SSBP2: variants seen among roughly 807,000 people sequenced by gnomAD.
The protein encoded by SSBP2 is single-stranded DNA-binding protein 2.
In SSBP2, 17 loss-of-function variants were observed where a neutral mutation model predicts 61.8. The observed-to-expected ratio is 0.28, with a 90% CI of 0.19 to 0.41. The LOEUF (loss-of-function observed/expected upper bound fraction) is 0.41, where lower values mean the gene tolerates loss of function less well. SSBP2 is among the 10% of genes least tolerant of loss of function. The pLI is 1.00. For missense variants in SSBP2, 310 were observed against 458.7 expected (o/e 0.68, Z 2.96); for synonymous variants, 139 against 141.3 (o/e 0.98, Z 0.12).
At chr5:81,465,181 T>C (rs2154007122) in intron 9 of SSBP2, among the ~76,000 whole-genome samples, 1 of 151,994 alleles carries the variant, frequency 6.6e-6, no homozygotes, top group East Asian at 1.9e-4. Flanking sequence ...AACAAAAAAA[T>C]GGAGATCAGA....
At chr5:81,719,633 C>A (rs192649793) in intron 1 of SSBP2, among the ~76,000 whole-genome samples, 1 of 152,216 alleles carries the variant, frequency 6.6e-6, no homozygotes, top group African/African-American at 2.4e-5. Flanking sequence ...GAGACAACTG[C>A]CTTGGGAAGA....
chr5:81,616,982 T>G (rs1157418557), intron 3 of SSBP2, among the ~76,000 whole-genome samples: 3 of 127,922 alleles, frequency 2.3e-5, no homozygotes, highest in Non-Finnish European at 5.0e-5. Flanking sequence ...CAAAAGTAGA[T>G]AAAACCACAA....
chr5:81,720,528 T>G (rs1441544779), intron 1 of SSBP2, among the ~76,000 whole-genome samples: 1 of 152,248 alleles, frequency 6.6e-6, no homozygotes, highest in Admixed American at 6.5e-5. Context: ...TATTAGCTTC[T>G]GTTTAAATGT....
At chr5:81,667,286 TACACACACACACAC>T (rs71605804) in intron 1 of SSBP2, among the ~76,000 whole-genome samples, 37 of 133,820 alleles carry the variant, frequency 2.8e-4, no homozygotes, top group Admixed American at 5.2e-4. Flanking sequence ...GGGATACAGA[TACACACACACACAC>T]ACACACACAC....
chr5:81,539,819 C>A (rs190485633), intron 4 of SSBP2, among the ~76,000 whole-genome samples: 1 of 152,054 alleles, frequency 6.6e-6, no homozygotes, highest in African/African-American at 2.4e-5. Context: ...TAGGTATACA[C>A]GTGCCATGGA....
intron 10 of SSBP2, among the ~76,000 whole-genome samples, chr5:81,452,991 T>C (rs1031418441): frequency 3.3e-5 from 5 of 150,636 alleles, no homozygotes; most frequent in African/African-American, 1.2e-4. Context: ...TTAGAAAACA[T>C]TGCCAATTAA....
intron 2 of SSBP2, 45 bp from the exon 3 acceptor site, chr5:81,636,663 T>C (rs1404596120): frequency 4.3e-6 from 6 of 1,395,998 alleles, no homozygotes; most frequent in East Asian, 2.3e-5. Context: ...AATACTTTTT[T>C]CCACACATAT....
chr5:81,433,136 G>A (rs1184468942), intron 15 of SSBP2, among the ~76,000 whole-genome samples: 2 of 152,102 alleles, frequency 1.3e-5, no homozygotes, highest in Admixed American at 1.3e-4. Flanking sequence ...AACGGGCCAT[G>A]ATGACAATGG....
chr5:81,702,275 G>A (rs963672175), intron 1 of SSBP2, among the ~76,000 whole-genome samples: 3 of 152,184 alleles, frequency 2.0e-5, no homozygotes, highest in Non-Finnish European at 4.4e-5. Flanking sequence ...GGAGGCTGAG[G>A]CAGGGGAATC....
At chr5:81,469,956 TAA>T (rs1339443614) in intron 8 of SSBP2, among the ~76,000 whole-genome samples, 1 of 151,954 alleles carries the variant, frequency 6.6e-6, no homozygotes, top group Non-Finnish European at 1.5e-5. Flanking sequence ...GGAAAGTTTA[TAA>T]AGTCTTTCCA....
chr5:81,458,101 G>T (rs1306253422), intron 10 of SSBP2, among the ~76,000 whole-genome samples: 1 of 151,960 alleles, frequency 6.6e-6, no homozygotes, highest in East Asian at 1.9e-4. Flanking sequence ...GTTAAGAAAG[G>T]CCAAAACAAA....
At chr5:81,475,896 G>A (rs1765553930) in intron 6 of SSBP2, among the ~76,000 whole-genome samples, 1 of 151,982 alleles carries the variant, frequency 6.6e-6, no homozygotes, top group South Asian at 2.1e-4. Flanking sequence ...GAATAATTGT[G>A]TGTGTATACA....
chr5:81,602,952 G>A (rs543672460), intron 4 of SSBP2, among the ~76,000 whole-genome samples: 1 of 152,112 alleles, frequency 6.6e-6, no homozygotes, highest in Non-Finnish European at 1.5e-5. Context: ...GTCTCCATGA[G>A]TCCCTTCCAA....
intron 1 of SSBP2, among the ~76,000 whole-genome samples, chr5:81,722,388 TATA>T: frequency 7.0e-6 from 1 of 143,156 alleles, no homozygotes; most frequent in East Asian, 1.9e-4. Flanking sequence ...CTCTCTTCAG[TATA>T]ATTTTGTTTT....
intron 4 of SSBP2, among the ~76,000 whole-genome samples, chr5:81,544,198 G>C (rs1300796714): frequency 1.3e-5 from 2 of 152,086 alleles, no homozygotes; most frequent in South Asian, 2.1e-4. Context: ...TACAGGCGAT[G>C]CCACCACGCC....
intron 6 of SSBP2, among the ~76,000 whole-genome samples, chr5:81,475,602 CTTCT>C (rs1239341825): frequency 6.6e-6 from 1 of 152,096 alleles, no homozygotes; most frequent in South Asian, 2.1e-4. Context: ...CCATATCAAA[CTTCT>C]TTCAGTTTTT....
At position 81,503,367 on chromosome 5, in the gene SSBP2, T is replaced by C. The variant is rs568892391; in HGVS notation, c.372+10261A>G. 1.7e-4 allele frequency among the ~76,000 whole-genome samples: 26 copies of C among 152,164 alleles called. No individual in the cohort carries two copies. The East Asian group carries it at 4.1e-3, about 24-fold the overall frequency. Reference sequence around the variant, plus strand: ...TACTCGGGAGGCTGAGGCAGGAGAATAGCTTGAACCCGGGAGGGGGAGGTT... The same window carrying C: ...TACTCGGGAGGCTGAGGCAGGAGAACAGCTTGAACCCGGGAGGGGGAGGTT... On this transcript the variant is annotated intron_variant, in intron 5 of 16. Coordinates refer to ENST00000320672, the MANE Select transcript of SSBP2 (RefSeq NM_012446.5).
chr5:81,527,968 A>T (rs1770088559), intron 4 of SSBP2, among the ~76,000 whole-genome samples: 1 of 151,932 alleles, frequency 6.6e-6, no homozygotes, highest in Non-Finnish European at 1.5e-5. Flanking sequence ...TATTACAGAA[A>T]AAACAATTGA....
chr5:81,604,230 G>A (rs1358188871), intron 4 of SSBP2, among the ~76,000 whole-genome samples: 1 of 151,336 alleles, frequency 6.6e-6, no homozygotes, highest in Non-Finnish European at 1.5e-5. Flanking sequence ...CTACAGTGAT[G>A]GCTTCATGAA....
Sources: gnomAD v4.1 joint callset for allele counts (sites outside exome capture counted in the v4.1 genomes callset) on GRCh38, gnomAD v4.1.1 for gene constraint, MANE v1.5 for transcripts, NCBI Gene and HGNC (gene_info 2026-07-23, HGNC 2026-07-21) for gene names.